EHBP1: variants seen among roughly 807,000 people sequenced by gnomAD.
EHBP1 encodes EH domain-binding protein 1.
EHBP1 carries 55 observed loss-of-function variants against 144.0 expected under a neutral mutation model. The ratio of observed to expected loss-of-function variants is 0.38; its 90% CI spans 0.31 to 0.48. The LOEUF (loss-of-function observed/expected upper bound fraction) is 0.48, where lower values mean the gene tolerates loss of function less well. Among genes scored for constraint, EHBP1 ranks in the 20% least tolerant of loss-of-function variants. EHBP1 has a pLI of 0.98. For synonymous variants in EHBP1, 469 were observed against 472.7 expected, an observed-to-expected ratio of 0.99 and a Z score of 0.10; for missense variants, 1,200 against 1,364.2, an observed-to-expected ratio of 0.88 and a Z score of 1.90.
intron 10 of EHBP1, among the ~76,000 whole-genome samples, chr2:62,902,930 T>C (rs2053529642): frequency 6.6e-6 from 1 of 152,248 alleles, no homozygotes; most frequent in Admixed American, 6.5e-5. Context: ...ATCTTATCTT[T>C]AGTGTCTATT....
chr2:63,042,193 T>C (rs2061687432), intron 21 of EHBP1, among the ~76,000 whole-genome samples: 1 of 152,186 alleles, frequency 6.6e-6, no homozygotes, highest in Admixed American at 6.5e-5. Context: ...TCAGTGCAGT[T>C]AGGCTTGAAC....
rs140028488 is a variant in EHBP1, at chr2:62,808,833, T to C, written c.313-17254T>C. Among the ~76,000 whole-genome samples, 421 of 152,328 alleles carry C rather than the reference T, an allele frequency of 2.8e-3. 2 individuals are homozygous for C. Among genetic ancestry groups the C allele is most frequent in the African/African-American group, 9.3e-3 (388 of 41,582 alleles). On this transcript the variant is annotated intron_variant, in intron 5 of 22. Transcript: ENST00000431489. ...AGAGTGAGCCTTTGCCTCTGTGTTA[T>C]GAACTTCGTAAGTGTTTCTCAATAT...
At chr2:62,959,822 T>C (rs1175353500) in intron 14 of EHBP1, among the ~76,000 whole-genome samples, 4 of 152,176 alleles carry the variant, frequency 2.6e-5, no homozygotes, top group African/African-American at 9.6e-5. Context: ...GTTTCTTTAT[T>C]TTATTCCTCT....
Position 62,851,767 on chromosome 2 carries a change from T to A in EHBP1, c.635-7402T>A, listed in dbSNP as rs1233557299. 2.0e-5 allele frequency among the ~76,000 whole-genome samples: 3 copies of A among 152,012 alleles called. No homozygotes were observed. The East Asian group carries it at 5.8e-4, about 29-fold the overall frequency. ...CAAAATTACCTTTTCACTCTGTTAA[T>A]GTAAATGAAAGTTGTAGAAGCAGAA... On this transcript the variant is annotated intron_variant, in intron 7 of 22. Transcript: ENST00000431489.
At chr2:63,043,584 A>G (rs1490561250) in intron 21 of EHBP1, among the ~76,000 whole-genome samples, 3 of 152,116 alleles carry the variant, frequency 2.0e-5, no homozygotes, top group Non-Finnish European at 4.4e-5. Context: ...GATGCATCTA[A>G]TTTTTAATTT....
At chr2:62,835,639 C>T (rs1030856894) in intron 7 of EHBP1, among the ~76,000 whole-genome samples, 6 of 152,148 alleles carry the variant, frequency 3.9e-5, no homozygotes, top group Admixed American at 1.3e-4. Context: ...GTGCGCGCAC[C>T]GTGCGCGAGC....
chr2:62,972,700 C>T (rs958400381), intron 14 of EHBP1, among the ~76,000 whole-genome samples: 1 of 152,132 alleles, frequency 6.6e-6, no homozygotes, highest in African/African-American at 2.4e-5. Context: ...GCAAAATTGT[C>T]TCTGTGGTGT....
At chr2:62,877,107 G>A (rs1452297610) in intron 10 of EHBP1, among the ~76,000 whole-genome samples, 1 of 152,112 alleles carries the variant, frequency 6.6e-6, no homozygotes, top group Non-Finnish European at 1.5e-5. Context: ...GTCTTCAAGA[G>A]ACCCATCTCA....
chr2:62,688,931 G>A (rs999236428), intron 1 of EHBP1, among the ~76,000 whole-genome samples: 1 of 152,064 alleles, frequency 6.6e-6, no homozygotes, highest in African/African-American at 2.4e-5. Context: ...GACTCTTCTG[G>A]CTTTGCTTCA....
At chr2:62,811,588 T>G (rs1179019365) in intron 5 of EHBP1, among the ~76,000 whole-genome samples, 1 of 152,234 alleles carries the variant, frequency 6.6e-6, no homozygotes, top group East Asian at 1.9e-4. Flanking sequence ...GTATAGCATG[T>G]CAAATTATTT....
rs2044872234 is a variant in EHBP1 at position 62,810,216 on chromosome 2, G to A, written c.313-15871G>A. On this transcript the variant is annotated intron_variant, in intron 5 of 22. Coordinates refer to ENST00000431489, the MANE Select transcript of EHBP1 (RefSeq NM_001142616.3). Reference sequence around the variant, plus strand: ...CTCCGTATATTTATAATTTTCTGTGGTGAATTTTCTTATGTAATCAGAAAA... The same window carrying A: ...CTCCGTATATTTATAATTTTCTGTGATGAATTTTCTTATGTAATCAGAAAA... Among the ~76,000 whole-genome samples the A allele has an allele frequency of 3.9e-5, 6 of 152,242 alleles. 1 individual carries two copies. The South Asian group carries it at 1.2e-3, about 32-fold the overall frequency.
intron 7 of EHBP1, among the ~76,000 whole-genome samples, chr2:62,851,048 A>G (rs780878501): frequency 6.6e-5 from 10 of 152,198 alleles, no homozygotes; most frequent in Non-Finnish European, 1.0e-4. Context: ...CCTATCCTGC[A>G]TGCCAAATTA....
chr2:62,767,987 A>G (rs1391141293), intron 4 of EHBP1, among the ~76,000 whole-genome samples: 1 of 152,170 alleles, frequency 6.6e-6, no homozygotes, highest in East Asian at 1.9e-4. Flanking sequence ...GAGAACAACG[A>G]TGCAACAGAC....
chr2:62,763,848 G>T (rs2040956980), intron 3 of EHBP1, among the ~76,000 whole-genome samples: 2 of 152,196 alleles, frequency 1.3e-5, no homozygotes, highest in African/African-American at 4.8e-5. Flanking sequence ...TATACAGTTA[G>T]TTTTTTCTTT....
chr2:62,945,798 T>C (rs2057027830), intron 12 of EHBP1, among the ~76,000 whole-genome samples: 1 of 152,064 alleles, frequency 6.6e-6, no homozygotes, highest in Non-Finnish European at 1.5e-5. Flanking sequence ...CACAAATGCA[T>C]AATGCTGGCC....
chr2:62,841,069 A>G (rs540561995), intron 7 of EHBP1, among the ~76,000 whole-genome samples: 118 of 152,286 alleles, frequency 7.7e-4, no homozygotes, highest in African/African-American at 2.6e-3. Flanking sequence ...TATTCACAAT[A>G]GCAAAGACTT....
At chr2:62,920,476 A>AT (rs986243218) in intron 10 of EHBP1, among the ~76,000 whole-genome samples, 2 of 152,228 alleles carry the variant, frequency 1.3e-5, no homozygotes, top group African/African-American at 4.8e-5. Flanking sequence ...GAAGTGCTAA[A>AT]TGGAATCCTA....
chr2:62,902,551 G>A (rs1054245000), intron 10 of EHBP1, among the ~76,000 whole-genome samples: 3 of 151,664 alleles, frequency 2.0e-5, no homozygotes, highest in African/African-American at 7.3e-5. Flanking sequence ...CAAAAATATG[G>A]ATGGCTAAAG....
At chr2:62,940,022 C>A (rs576372800) in intron 10 of EHBP1, 2 of 345,808 alleles carry the variant, frequency 5.8e-6, no homozygotes, top group Non-Finnish European at 5.7e-6. Context: ...GTATAAAAAT[C>A]CCTGAAGAAG....
Sources: allele counts gnomAD v4.1 joint callset (sites outside exome capture counted in the v4.1 genomes callset), GRCh38; gene constraint gnomAD v4.1.1; transcripts MANE v1.5; gene names NCBI Gene and HGNC (gene_info 2026-07-23, HGNC 2026-07-21).